The following WWOX variants were observed in gnomAD, a reference collection of about 807,000 sequenced individuals.
WWOX encodes WW domain containing oxidoreductase.
Under a neutral mutation model 46.2 loss-of-function variants are expected in WWOX, and 69 were observed. The ratio of observed to expected loss-of-function variants is 1.49; its 90% CI spans 1.23 to 1.82. The LOEUF (loss-of-function observed/expected upper bound fraction) is 1.82, where lower values mean the gene tolerates loss of function less well. Among genes scored for constraint, WWOX ranks in the 40% most tolerant of loss-of-function variants. WWOX has a pLI of 0.00. For missense variants in WWOX, 919 were observed against 542.6 expected (o/e 1.69, Z -6.89); for synonymous variants, 359 against 202.6 (o/e 1.77, Z -6.56).
intron 8 of WWOX, among the ~76,000 whole-genome samples, chr16:78,883,970 A>G (rs2044397840): frequency 6.6e-6 from 1 of 152,162 alleles, no homozygotes; most frequent in Non-Finnish European, 1.5e-5. Context: ...ATATAAGTAT[A>G]TCTGATCCCC....
At chr16:78,183,424 C>T (rs1484433271) in intron 5 of WWOX, among the ~76,000 whole-genome samples, 1 of 152,092 alleles carries the variant, frequency 6.6e-6, no homozygotes, top group African/African-American at 2.4e-5. Flanking sequence ...CTTTGGTGGT[C>T]TAGTTAGTGG....
At chr16:78,900,618 T>G (rs13331535) in intron 8 of WWOX, among the ~76,000 whole-genome samples, 9,194 of 152,194 alleles carry the variant, frequency 0.06, 499 homozygotes, top group East Asian at 0.25. Context: ...ATCAGATAGA[T>G]TTTCTTTCCA....
At chr16:78,152,530 C>A (rs897865050) in intron 4 of WWOX, among the ~76,000 whole-genome samples, 2 of 152,122 alleles carry the variant, frequency 1.3e-5, no homozygotes, top group African/African-American at 4.8e-5. Context: ...TATGAAGTTG[C>A]CTGGTTGCCC....
chr16:79,181,505 A>G (rs572866823), intron 8 of WWOX, among the ~76,000 whole-genome samples: 1 of 152,202 alleles, frequency 6.6e-6, no homozygotes, highest in African/African-American at 2.4e-5. Flanking sequence ...CTGTGGTTTT[A>G]CTTAACACTA....
intron 8 of WWOX, among the ~76,000 whole-genome samples, chr16:78,614,405 T>C (rs892011575): frequency 6.6e-6 from 1 of 152,240 alleles, no homozygotes; most frequent in African/African-American, 2.4e-5. Context: ...GAGTCCACAT[T>C]GCTGCCTTTG....
At chr16:79,061,796 C>G (rs912214968) in intron 8 of WWOX, among the ~76,000 whole-genome samples, 6 of 152,184 alleles carry the variant, frequency 3.9e-5, no homozygotes, top group South Asian at 2.1e-4. Flanking sequence ...TAATATGCCT[C>G]TATGTCAGGC....
intron 5 of WWOX, among the ~76,000 whole-genome samples, chr16:78,200,318 G>C (rs551122507): frequency 2.0e-5 from 3 of 149,564 alleles, no homozygotes; most frequent in Non-Finnish European, 4.4e-5. Flanking sequence ...CCTGCTGACA[G>C]TTCTTTAAGT....
At chr16:78,774,600 A>T (rs1010486619) in intron 8 of WWOX, among the ~76,000 whole-genome samples, 1 of 151,834 alleles carries the variant, frequency 6.6e-6, no homozygotes, top group African/African-American at 2.4e-5. Context: ...ATAAGATAGC[A>T]TAAGGTAGTT....
At chr16:79,025,804 CT>C (rs60681938) in intron 8 of WWOX, among the ~76,000 whole-genome samples, 8,724 of 104,048 alleles carry the variant, frequency 0.084, 395 homozygotes, top group South Asian at 0.2. Flanking sequence ...TGCTTGCTTG[CT>C]TTTTTTTTTT....
At chr16:78,473,158 C>G (rs2084269052) in intron 8 of WWOX, among the ~76,000 whole-genome samples, 2 of 152,186 alleles carry the variant, frequency 1.3e-5, no homozygotes, top group South Asian at 2.1e-4. Context: ...GAGACCGAGT[C>G]TCACTCTGTC....
Position 78,403,896 on chromosome 16 carries a change from A to G in WWOX, c.605+16948A>G, listed in dbSNP as rs902787820. ...ATGGACCTTCACTTACTTGCACTGC[A>G]GGTCAGCCTAATTGCATGAGCTCTG... On this transcript the variant is annotated intron_variant, in intron 6 of 8. Transcript: ENST00000566780. Among the ~76,000 whole-genome samples, 4 of 152,326 alleles carry G rather than the reference A, an allele frequency of 2.6e-5. No homozygotes were observed. In the East Asian group the frequency reaches 7.7e-4, roughly 29 times the overall value.
chr16:78,792,444 A>G (rs1436395009), intron 8 of WWOX, among the ~76,000 whole-genome samples: 1 of 152,162 alleles, frequency 6.6e-6, no homozygotes, highest in Admixed American at 6.5e-5. Flanking sequence ...GCCAGAGCAA[A>G]TCATATGGTC....
chr16:78,611,998 T>C, intron 8 of WWOX, among the ~76,000 whole-genome samples: 1 of 152,294 alleles, frequency 6.6e-6, no homozygotes, highest in East Asian at 1.9e-4. Flanking sequence ...GTCAAGAAGA[T>C]TCAATAGGCA....
chr16:78,277,828 A>G (rs1436135417), intron 5 of WWOX, among the ~76,000 whole-genome samples: 1 of 152,192 alleles, frequency 6.6e-6, no homozygotes, highest in African/African-American at 2.4e-5. Context: ...AAATCTGGAA[A>G]TTTTACATAA....
intron 8 of WWOX, among the ~76,000 whole-genome samples, chr16:78,647,045 C>G (rs1304764014): frequency 1.3e-5 from 2 of 152,182 alleles, no homozygotes; most frequent in Non-Finnish European, 2.9e-5. Flanking sequence ...TTGAGCCCAG[C>G]TCTCCCTTTG....
chr16:78,423,909 C>G (rs113788366), intron 6 of WWOX, among the ~76,000 whole-genome samples: 21 of 151,396 alleles, frequency 1.4e-4, no homozygotes, highest in African/African-American at 4.8e-4. Context: ...TTCCACTTAC[C>G]TATCTTTAGG....
chr16:79,005,514 A>G (rs1402274155), intron 8 of WWOX, among the ~76,000 whole-genome samples: 2 of 152,056 alleles, frequency 1.3e-5, no homozygotes, highest in Admixed American at 6.6e-5. Context: ...TCTCTCTGAA[A>G]ACTCTATGGG....
At chr16:78,401,823 C>G (rs1360047606) in intron 6 of WWOX, among the ~76,000 whole-genome samples, 1 of 152,118 alleles carries the variant, frequency 6.6e-6, no homozygotes, top group Non-Finnish European at 1.5e-5. Context: ...CCTCAGCCTA[C>G]TGAGTAGCTG....
chr16:79,047,672 A>AT (rs71140858), intron 8 of WWOX, among the ~76,000 whole-genome samples: 3,411 of 53,464 alleles, frequency 0.064, 498 homozygotes, highest in Non-Finnish European at 0.075. Flanking sequence ...GACTGTCCTG[A>AT]TTTTTTTTTT....
Sources: gnomAD v4.1 joint callset for allele counts (sites outside exome capture counted in the v4.1 genomes callset) on GRCh38, gnomAD v4.1.1 for gene constraint, MANE v1.5 for transcripts, NCBI Gene and HGNC (gene_info 2026-07-23, HGNC 2026-07-21) for gene names.